Variants in RSPH1 observed in about 807,000 individuals in gnomAD.
RSPH1 encodes the protein radial spoke head component 1.
A neutral mutation model predicts 44.2 loss-of-function variants in RSPH1; 32 were observed. That is an observed-to-expected ratio of 0.72 (90% CI 0.55 to 0.97). The LOEUF (loss-of-function observed/expected upper bound fraction) is 0.97, where lower values mean the gene tolerates loss of function less well. Ranked by LOEUF, RSPH1 falls within the 50% of genes least tolerant of loss-of-function variation. The probability of loss-of-function intolerance (pLI) is 0.00; values close to 1 mark genes in which losing one functional copy is unlikely to be tolerated. For missense variants in RSPH1, 391 were observed against 398.7 expected, an observed-to-expected ratio of 0.98 and a Z score of 0.16; for synonymous variants, 134 against 147.3, an observed-to-expected ratio of 0.91 and a Z score of 0.65.
At chr21:42,493,254 C>T (rs1178223597) in intron 1 of RSPH1, among the ~76,000 whole-genome samples, 175 bp from the exon 2 acceptor site, 1 of 152,186 alleles carries the variant, frequency 6.6e-6, no homozygotes, top group Non-Finnish European at 1.5e-5. Flanking sequence ...AACGCCTGGG[C>T]TAGATGAGGC....
intron 8 of RSPH1, among the ~76,000 whole-genome samples, chr21:42,473,295 A>G (rs953317062): frequency 2.0e-5 from 3 of 152,218 alleles, no homozygotes; most frequent in African/African-American, 4.8e-5. Flanking sequence ...GTTCGAGACC[A>G]GCCCGGCCAA....
chr21:42,486,611 C>T (rs1177265326), intron 3 of RSPH1, 150 bp from the exon 4 acceptor site: 4 of 630,592 alleles, frequency 6.3e-6, no homozygotes, highest in Non-Finnish European at 1.2e-5. Flanking sequence ...CTCAGGAAAT[C>T]CTGCAGAAGA....
intron 6 of RSPH1, among the ~76,000 whole-genome samples, chr21:42,481,057 T>A (rs2054123180): frequency 6.6e-6 from 1 of 152,132 alleles, no homozygotes; most frequent in South Asian, 2.1e-4. Context: ...AATCGCATGT[T>A]GAAATGTGAC....
chr21:42,479,268 C>A (rs1443006246), intron 6 of RSPH1, among the ~76,000 whole-genome samples: 2 of 152,192 alleles, frequency 1.3e-5, no homozygotes, highest in Non-Finnish European at 2.9e-5. Context: ...CATCCTAATC[C>A]ATCCCCACAG....
chr21:42,482,267 G>A (rs557154935), intron 6 of RSPH1, among the ~76,000 whole-genome samples: 43 of 152,182 alleles, frequency 2.8e-4, no homozygotes, highest in Middle Eastern at 3.4e-3. Flanking sequence ...TATTTTTAGC[G>A]GAGACAGGGA....
In RSPH1 at chr21:42,485,884, T is replaced by A. The variant is rs1405843282; in HGVS notation, c.366-80A>T. On this transcript the variant is annotated intron_variant, in intron 4 of 8. Coordinates refer to ENST00000291536, the MANE Select transcript of RSPH1 (RefSeq NM_080860.4). ...CAGGTTTAAAACACAGACATTGACA[T>A]TGAGGGAGGCCCAGGCTGTTGCAGG... 3.8e-6 allele frequency: 6 copies of A among 1,571,196 alleles called. No individual in the cohort carries two copies. The Admixed American group carries it at 1.0e-4, about 26-fold the overall frequency.
At position 42,493,084 on chromosome 21, in the gene RSPH1, G is replaced by C. The variant is rs756723653; in HGVS notation, c.55-5C>G. On this transcript the variant is annotated splice_region_variant and splice_polypyrimidine_tract_variant and intron_variant, in intron 1 of 8. Transcript: ENST00000291536. ...ATTCCGACCCCCCTCATATTCCTGG[G>C]TAATGAAAATTGACACAATTACAGC... 1.9e-6 allele frequency: 3 copies of C among 1,611,358 alleles called. No homozygotes were observed. Among genetic ancestry groups the C allele is most frequent in the African/African-American group, 1.3e-5 (1 of 74,876 alleles).
rs2054044436 is a variant in RSPH1 at position 42,476,008 on chromosome 21, TC to T, written c.766del (p.Glu256ArgfsTer9). 1 of 1,613,112 alleles carries T rather than the reference TC, an allele frequency of 6.2e-7. No homozygotes were observed. Among genetic ancestry groups the T allele is most frequent in the Non-Finnish European group, 8.5e-7 (1 of 1,179,828 alleles). On this transcript the variant is annotated frameshift_variant, in exon 8 of 9. Coordinates refer to ENST00000291536, the MANE Select transcript of RSPH1 (RefSeq NM_080860.4). LOFTEE classifies it high-confidence loss of function. The part of the protein sequence containing the change: ...EPGEEAQALL[E>X]GFEGEMDMRP... ...CATGTCCATCTCACCCTCGAAGCCC[TC>T]CAGCAGAGCCTGGGCCTCCTCCCCG...
Position 42,482,848 on chromosome 21 carries a change from C to T in RSPH1, c.502-140G>A, listed in dbSNP as rs562627195. The T allele has an allele frequency of 5.1e-5, 30 of 584,260 alleles. No individual in the cohort carries two copies. In the East Asian group the frequency reaches 7.5e-4, roughly 15 times the overall value. The allele number at this position is 584,260 out of a possible 1,614,324, so 36.2% of individuals were successfully genotyped here. A position where few individuals can be genotyped will look rare whatever the true frequency, so the allele number is the denominator to read the frequency against. On this transcript the variant is annotated intron_variant, in intron 5 of 8. Transcript: ENST00000291536. Reference sequence around the variant, plus strand: ...GGATTAAGGAATGCTTTTGTGAACTCGTGGCTGATGGGATTGGAACTTATA... The same window carrying T: ...GGATTAAGGAATGCTTTTGTGAACTTGTGGCTGATGGGATTGGAACTTATA...
chr21:42,489,384 G>T (rs1251277453), intron 3 of RSPH1, among the ~76,000 whole-genome samples: 1 of 152,188 alleles, frequency 6.6e-6, no homozygotes, highest in African/African-American at 2.4e-5. Context: ...TGGCTGGTTG[G>T]TTGATTGGTT....
intron 5 of RSPH1, 30 bp from the exon 6 acceptor site, chr21:42,482,738 G>A (rs754334860): frequency 6.5e-7 from 1 of 1,527,024 alleles, no homozygotes; most frequent in South Asian, 1.1e-5. Context: ...ATTCTTAAGT[G>A]TCAACACCCA....
chr21:42,484,021 A>T lies in RSPH1; in HGVS notation c.502-1313T>A, dbSNP rs544226553. ...GTGTGTGTGTGTATCCTGGTATCAC[A>T]CTGTTTTAATTATTGAAGTTTTGTG... On this transcript the variant is annotated intron_variant, in intron 5 of 8. Transcript: ENST00000291536. Among the ~76,000 whole-genome samples, 4 of 152,166 alleles carry T rather than the reference A, an allele frequency of 2.6e-5. No individual in the cohort carries two copies. In the South Asian group the frequency reaches 8.3e-4, roughly 32 times the overall value.
Position 42,477,414 on chromosome 21 carries a change from A to T in RSPH1, c.604T>A (p.Leu202Ile). The change falls in exon 7 of 9, where the codon TTA (leucine) becomes ATA (isoleucine). Residue 202 changes from leucine to isoleucine, a missense_variant. Coordinates refer to ENST00000291536, the MANE Select transcript of RSPH1 (RefSeq NM_080860.4). ...ERGEEEEEEE[L>I]VTVVPKWKAT... Reference sequence around the variant, plus strand: ...TTCCATTTTGGAACAACAGTTACTAATTCTTCCTCCTCTTCCTCTTCTCCT... The same window carrying T: ...TTCCATTTTGGAACAACAGTTACTATTTCTTCCTCCTCTTCCTCTTCTCCT... 1 of 1,614,136 alleles carries T rather than the reference A, an allele frequency of 6.2e-7. No individual in the cohort carries two copies. Among genetic ancestry groups the T allele is most frequent in the Non-Finnish European group, 8.5e-7 (1 of 1,179,982 alleles).
At chr21:42,483,759 CA>C (rs935179740) in intron 5 of RSPH1, among the ~76,000 whole-genome samples, 6 of 152,074 alleles carry the variant, frequency 3.9e-5, no homozygotes, top group African/African-American at 1.4e-4. Flanking sequence ...TATTCATCTA[CA>C]TTTTTTTTCT....
At chr21:42,495,916 G>C in intron 1 of RSPH1, 3 of 557,916 alleles carry the variant, frequency 5.4e-6, no homozygotes, top group Non-Finnish European at 9.7e-6. Flanking sequence ...AGAACGAGGC[G>C]GCATGTGGTA....
intron 3 of RSPH1, among the ~76,000 whole-genome samples, chr21:42,492,009 G>A (rs778222905): frequency 4.2e-4 from 64 of 152,340 alleles, no homozygotes; most frequent in Non-Finnish European, 3.1e-4. Context: ...AGAGTCCAAG[G>A]TTAGGGTCAC....
chr21:42,472,963 A>G (rs2054008009), intron 8 of RSPH1, 93 bp from the exon 9 acceptor site: 2 of 886,190 alleles, frequency 2.3e-6, no homozygotes, highest in African/African-American at 1.7e-5. Context: ...GCCGAAAAAA[A>G]TTATTGTAAC....
At chr21:42,475,031 C>T (rs1288051953) in intron 8 of RSPH1, among the ~76,000 whole-genome samples, 1 of 152,202 alleles carries the variant, frequency 6.6e-6, no homozygotes, top group Non-Finnish European at 1.5e-5. Context: ...AAGCACGACA[C>T]CCTCTTTCAG....
chr21:42,485,632 G>T (rs752889068), intron 5 of RSPH1, 37 bp downstream of exon 5: 1 of 1,613,004 alleles, frequency 6.2e-7, no homozygotes, highest in Non-Finnish European at 8.5e-7. Context: ...GGGTTATTTT[G>T]TACTTCATTG....
Sources: gnomAD v4.1 joint callset for allele counts (sites outside exome capture counted in the v4.1 genomes callset) on GRCh38, gnomAD v4.1.1 for gene constraint, MANE v1.5 for transcripts, NCBI Gene and HGNC (gene_info 2026-07-23, HGNC 2026-07-21) for gene names.